The following AKAP6 variants were observed in gnomAD, a reference collection of about 807,000 sequenced individuals.
AKAP6 encodes A-kinase anchoring protein 6, also known as A-kinase anchor protein 6.
AKAP6 carries 58 observed loss-of-function variants against 188.5 expected under a neutral mutation model. That is an observed-to-expected ratio of 0.31 (90% CI 0.25 to 0.38). The LOEUF is 0.38. Ranked by LOEUF, AKAP6 falls within the 10% of genes least tolerant of loss-of-function variation. The probability of loss-of-function intolerance (pLI) is 1.00; values close to 1 mark genes in which losing one functional copy is unlikely to be tolerated. For missense variants in AKAP6, 2,710 were observed against 2,740.0 expected (o/e 0.99, Z 0.24); for synonymous variants, 989 against 998.6 (o/e 0.99, Z 0.18).
rs777488902 is a variant in AKAP6 at position 32,433,837 on chromosome 14, C to A, written c.324+20C>A. On this transcript the variant is annotated intron_variant, in intron 2 of 13. Transcript: ENST00000280979. Reference sequence around the variant, plus strand: ...CTAAAGGTAAGGCAAGGTCTGTGATCCTCTCAGGATAGAAGTTTTCAAAAG... The same window carrying A: ...CTAAAGGTAAGGCAAGGTCTGTGATACTCTCAGGATAGAAGTTTTCAAAAG... 8 of 1,603,464 alleles carry A rather than the reference C, an allele frequency of 5.0e-6. No individual in the cohort carries two copies. Among genetic ancestry groups the A allele is most frequent in the Non-Finnish European group, 6.0e-6 (7 of 1,175,972 alleles).
chr14:32,378,382 G>A (rs575447100), intron 1 of AKAP6, among the ~76,000 whole-genome samples: 2 of 152,286 alleles, frequency 1.3e-5, no homozygotes, highest in African/African-American at 4.8e-5. Flanking sequence ...GGAATAATAA[G>A]AGGAACAAAA....
chr14:32,407,725 T>A (rs928562839), intron 1 of AKAP6, among the ~76,000 whole-genome samples: 2 of 152,142 alleles, frequency 1.3e-5, no homozygotes, highest in African/African-American at 2.4e-5. Flanking sequence ...AATGGTACCA[T>A]GTAGACTTAG....
intron 2 of AKAP6, among the ~76,000 whole-genome samples, chr14:32,449,521 CAAA>C (rs33960351): frequency 0.3 from 31,602 of 103,726 alleles, 4,074 homozygotes; most frequent in South Asian, 0.47. Context: ...GACTCCATCT[CAAA>C]AAAAAAAAAA....
chr14:32,652,272 C>A (rs1474161512), intron 7 of AKAP6, among the ~76,000 whole-genome samples: 1 of 152,184 alleles, frequency 6.6e-6, no homozygotes, highest in African/African-American at 2.4e-5. Context: ...CTGTTCTTCT[C>A]CCCTTTTGTT....
chr14:32,467,222 CAA>C (rs1223563625), intron 2 of AKAP6, among the ~76,000 whole-genome samples: 1 of 93,862 alleles, frequency 1.1e-5, no homozygotes, highest in Non-Finnish European at 3.3e-5. Context: ...GAAAAAAAAA[CAA>C]AAACAAAAAG....
In AKAP6 at chr14:32,584,120, C is replaced by T. The variant is rs573005978; in HGVS notation, c.2469+6878C>T. Among the ~76,000 whole-genome samples, 4 of 152,326 alleles carry T rather than the reference C, an allele frequency of 2.6e-5. 1 individual carries two copies. The highest frequency in any genetic ancestry group is 9.6e-5 in the African/African-American group (4 of 41,584). ...AGCTGTTCCTATTTGGCCATCTTGG[C>T]TGCTACCCAAATTGCACATTTTAAA... On this transcript the variant is annotated intron_variant, in intron 5 of 13. Transcript: ENST00000280979.
chr14:32,442,622 T>C (rs549883643), intron 2 of AKAP6: 1 of 143,382 alleles, frequency 7.0e-6, no homozygotes, highest in Non-Finnish European at 1.5e-5. Flanking sequence ...CTGAGCAACA[T>C]AGCAAGATCC....
At chr14:32,346,599 C>T (rs9322891) in intron 1 of AKAP6, among the ~76,000 whole-genome samples, 3,505 of 152,296 alleles carry the variant, frequency 0.023, 117 homozygotes, top group African/African-American at 0.076. Flanking sequence ...AGCTCCGCCT[C>T]CCGGGTTCAC....
At chr14:32,526,701 T>C (rs1882149096) in intron 2 of AKAP6, among the ~76,000 whole-genome samples, 1 of 152,190 alleles carries the variant, frequency 6.6e-6, no homozygotes, top group South Asian at 2.1e-4. Context: ...ATTCTTAATA[T>C]GACAAAAGAA....
intron 7 of AKAP6, among the ~76,000 whole-genome samples, chr14:32,631,888 T>C (rs759791450): frequency 2.0e-5 from 3 of 152,088 alleles, no homozygotes; most frequent in Non-Finnish European, 4.4e-5. Context: ...TAGTAGATCA[T>C]TATAATACCA....
At chr14:32,638,879 A>G (rs1282790909) in intron 7 of AKAP6, among the ~76,000 whole-genome samples, 2 of 152,006 alleles carry the variant, frequency 1.3e-5, no homozygotes, top group African/African-American at 4.8e-5. Context: ...TGCCAGAAAA[A>G]CATAGACTAA....
At chr14:32,526,988 T>C (rs1186328698) in intron 2 of AKAP6, among the ~76,000 whole-genome samples, 2 of 152,216 alleles carry the variant, frequency 1.3e-5, no homozygotes, top group Admixed American at 1.3e-4. Flanking sequence ...ATAGTGTACA[T>C]AGTGTACATT....
intron 2 of AKAP6, among the ~76,000 whole-genome samples, chr14:32,492,355 T>TATATATAGAGAGAGAGAGAGAGAGAG: frequency 4.8e-5 from 4 of 82,610 alleles, no homozygotes; most frequent in African/African-American, 9.9e-5. Flanking sequence ...TATATATATA[T>TATATATAGAGAGAGAGAGAGAGAGAG]AGAGAGAGAG....
At chr14:32,539,921 C>G (rs1304695942) in intron 3 of AKAP6, among the ~76,000 whole-genome samples, 1 of 151,826 alleles carries the variant, frequency 6.6e-6, no homozygotes, top group African/African-American at 2.4e-5. Context: ...ATGCCACAGC[C>G]CCCACAGGTC....
chr14:32,488,801 G>A (rs966153986), intron 2 of AKAP6, among the ~76,000 whole-genome samples: 4 of 152,068 alleles, frequency 2.6e-5, no homozygotes, highest in Admixed American at 1.3e-4. Context: ...CAGGTGAGGC[G>A]ACACCCCACC....
intron 11 of AKAP6, among the ~76,000 whole-genome samples, chr14:32,753,081 G>T (rs1044359579): frequency 2.6e-5 from 4 of 152,084 alleles, no homozygotes; most frequent in Non-Finnish European, 2.9e-5. Context: ...TGGTATTGCT[G>T]GATCATGTGG....
Position 32,545,357 on chromosome 14 carries a change from A to G in AKAP6, c.704A>G (p.Asp235Gly). The G allele has an allele frequency of 6.2e-7, 1 of 1,614,138 alleles. No homozygotes were observed. The highest frequency in any genetic ancestry group is 1.3e-5 in the African/African-American group (1 of 75,024). The change falls in exon 4 of 14, where the codon GAT becomes GGT. Residue 235 changes from aspartate to glycine, a missense_variant. By Grantham distance (94) the Asp-to-Gly change is moderately conservative. This residue lies in a region of AKAP6 where 237 missense variants were observed against 313.9 expected (regional missense o/e 0.76). Coordinates refer to ENST00000280979, the MANE Select transcript of AKAP6 (RefSeq NM_004274.5). ...CTGTCTGACTACAGTCCAAGTGAGG[A>G]TTTGCTCAGTGGGCTAGGTGACATG... is the stretch of plus-strand genomic sequence containing the variant. ...FELSDYSPSE[D>G]LLSGLGDMTS...
intron 9 of AKAP6, among the ~76,000 whole-genome samples, chr14:32,730,229 A>T (rs917079385): frequency 6.6e-6 from 1 of 152,168 alleles, no homozygotes; most frequent in Non-Finnish European, 1.5e-5. Context: ...ACAATTAACT[A>T]GATACTCTTA....
intron 1 of AKAP6, among the ~76,000 whole-genome samples, chr14:32,418,728 C>T (rs889840655): frequency 3.3e-5 from 5 of 152,102 alleles, no homozygotes; most frequent in African/African-American, 1.2e-4. Context: ...GTCATTAGCT[C>T]TTACTCAGCG....
Sources: allele counts gnomAD v4.1 joint callset (sites outside exome capture counted in the v4.1 genomes callset), GRCh38; gene constraint gnomAD v4.1.1; regional missense constraint gnomAD v4.1.1; transcripts MANE v1.5; gene names NCBI Gene and HGNC (gene_info 2026-07-23, HGNC 2026-07-21).